Variants in ARHGAP15 observed in about 807,000 individuals in gnomAD.
ARHGAP15 encodes the protein Rho GTPase activating protein 15, also known as rho GTPase-activating protein 15.
In ARHGAP15, 51 loss-of-function variants were observed where a neutral mutation model predicts 63.7. The observed-to-expected ratio is 0.80, with a 90% CI of 0.64 to 1.01. The LOEUF (loss-of-function observed/expected upper bound fraction) is 1.01, where lower values mean the gene tolerates loss of function less well. ARHGAP15 is among the 50% of genes least tolerant of loss of function. The pLI, the probability that ARHGAP15 is intolerant of heterozygous loss-of-function variation, is 0.00. For missense variants in ARHGAP15, 560 were observed against 564.6 expected, an observed-to-expected ratio of 0.99 and a Z score of 0.08; for synonymous variants, 191 against 193.8, an observed-to-expected ratio of 0.99 and a Z score of 0.12.
intron 6 of ARHGAP15, among the ~76,000 whole-genome samples, chr2:143,266,817 T>C (rs959458052): frequency 6.6e-6 from 1 of 152,082 alleles, no homozygotes; most frequent in East Asian, 1.9e-4. Context: ...AACAGGACAA[T>C]ACAAAGGACC....
Position 143,250,609 on chromosome 2 carries a change from G to A in ARHGAP15, c.474+9G>A, listed in dbSNP as rs767792990. Reference sequence around the variant, plus strand: ...GAAAGAATGTCTTTCAGGTAAGAATGTTACATATATTCAATTTATTCCTAT... The same window carrying A: ...GAAAGAATGTCTTTCAGGTAAGAATATTACATATATTCAATTTATTCCTAT... On this transcript the variant is annotated intron_variant, in intron 6 of 13. Coordinates refer to ENST00000295095, the MANE Select transcript of ARHGAP15 (RefSeq NM_018460.4). 2 of 1,604,024 alleles carry A rather than the reference G, an allele frequency of 1.2e-6. No individual in the cohort carries two copies. Among genetic ancestry groups the A allele is most frequent in the South Asian group, 2.2e-5 (2 of 90,770 alleles).
intron 12 of ARHGAP15, among the ~76,000 whole-genome samples, chr2:143,643,158 G>C (rs1373506706): frequency 2.0e-5 from 3 of 152,072 alleles, no homozygotes; most frequent in African/African-American, 7.2e-5. Context: ...AGAAACCCAT[G>C]TTTTAGAGAA....
intron 12 of ARHGAP15, among the ~76,000 whole-genome samples, chr2:143,689,903 C>T (rs886207799): frequency 5.3e-5 from 8 of 152,268 alleles, no homozygotes; most frequent in African/African-American, 1.7e-4. Flanking sequence ...ATGGAAATTG[C>T]TATCTTTAAA....
intron 13 of ARHGAP15, among the ~76,000 whole-genome samples, chr2:143,737,725 A>T (rs1248052743): frequency 7.4e-6 from 1 of 135,800 alleles, no homozygotes; most frequent in African/African-American, 2.9e-5. Context: ...AAACCTATTT[A>T]TTTTATTTAT....
At chr2:143,190,535 C>A (rs1393598837) in intron 2 of ARHGAP15, among the ~76,000 whole-genome samples, 1 of 152,160 alleles carries the variant, frequency 6.6e-6, no homozygotes, top group East Asian at 1.9e-4. Flanking sequence ...CTCACACTCA[C>A]CTCTTCCCTC....
chr2:143,483,466 C>T (rs767720315), intron 8 of ARHGAP15, among the ~76,000 whole-genome samples: 3 of 152,146 alleles, frequency 2.0e-5, no homozygotes, highest in Non-Finnish European at 4.4e-5. Context: ...GACCAGAAAT[C>T]GAAAATATTA....
intron 1 of ARHGAP15, among the ~76,000 whole-genome samples, chr2:143,134,104 AATCTATCTATCTATCTATCTATCT>A (rs70982842): frequency 1.4e-4 from 20 of 141,354 alleles, no homozygotes; most frequent in African/African-American, 2.8e-4. Flanking sequence ...TCTATTTGAA[AATCTATCTATCTATCTATCTATCT>A]ATCTATCTAT....
Position 143,721,729 on chromosome 2 carries a change from T to G in ARHGAP15, c.1244+18205T>G, listed in dbSNP as rs79893488. Reference sequence around the variant, plus strand: ...GGAAACGGAGTCTTGCTCTGTCGCCTAGGCTGGAGTGCAGTGGCGGGATCT... The same window carrying G: ...GGAAACGGAGTCTTGCTCTGTCGCCGAGGCTGGAGTGCAGTGGCGGGATCT... On this transcript the variant is annotated intron_variant, in intron 13 of 13. Coordinates refer to ENST00000295095, the MANE Select transcript of ARHGAP15 (RefSeq NM_018460.4). 3.5e-3 allele frequency among the ~76,000 whole-genome samples: 536 copies of G among 152,104 alleles called. 2 individuals are homozygous for G. The highest frequency in any genetic ancestry group is 0.012 in the African/African-American group (518 of 41,494).
chr2:143,378,674 CATTG>C (rs1574359633), intron 6 of ARHGAP15, among the ~76,000 whole-genome samples: 1 of 152,028 alleles, frequency 6.6e-6, no homozygotes, highest in Admixed American at 6.6e-5. Context: ...AAAGTAGAAA[CATTG>C]ATTGATGTGT....
intron 6 of ARHGAP15, among the ~76,000 whole-genome samples, chr2:143,303,242 A>G (rs1682996386): frequency 6.6e-6 from 1 of 152,152 alleles, no homozygotes; most frequent in African/African-American, 2.4e-5. Flanking sequence ...AGAATGGGAG[A>G]AAAATTTTGC....
In ARHGAP15 at chr2:143,168,009, T is replaced by C. The variant is rs147376348; in HGVS notation, c.165+12354T>C. On this transcript the variant is annotated intron_variant, in intron 2 of 13. Transcript: ENST00000295095. Reference sequence around the variant, plus strand: ...GTCAGAAAATAACAACTGTTGGTCATAAATTTGAAAACTTAGAAGTTGACA... The same window carrying C: ...GTCAGAAAATAACAACTGTTGGTCACAAATTTGAAAACTTAGAAGTTGACA... Among the ~76,000 whole-genome samples the C allele has an allele frequency of 2.7e-3, 411 of 152,224 alleles. 4 individuals are homozygous for C. The highest frequency in any genetic ancestry group is 9.3e-3 in the African/African-American group (385 of 41,556).
intron 6 of ARHGAP15, among the ~76,000 whole-genome samples, chr2:143,318,190 T>A (rs1277317874): frequency 6.6e-6 from 1 of 151,584 alleles, no homozygotes; most frequent in Non-Finnish European, 1.5e-5. Context: ...TTTTTTTTAG[T>A]AGAGACAGGG....
chr2:143,315,048 T>A (rs1683633583), intron 6 of ARHGAP15, among the ~76,000 whole-genome samples: 1 of 152,230 alleles, frequency 6.6e-6, no homozygotes, highest in Non-Finnish European at 1.5e-5. Context: ...CATACATACA[T>A]ATGAATACAT....
chr2:143,644,372 T>TA (rs1431071173), intron 12 of ARHGAP15, among the ~76,000 whole-genome samples: 6 of 151,996 alleles, frequency 3.9e-5, no homozygotes, highest in African/African-American at 1.4e-4. Flanking sequence ...GACAGAAAGT[T>TA]AGAGAGTGAC....
chr2:143,181,827 T>C (rs1219054597), intron 2 of ARHGAP15, among the ~76,000 whole-genome samples: 1 of 152,242 alleles, frequency 6.6e-6, no homozygotes, highest in Non-Finnish European at 1.5e-5. Flanking sequence ...GCACTTTTAA[T>C]TTCCTTCAAT....
At chr2:143,284,281 C>T (rs1385759822) in intron 6 of ARHGAP15, among the ~76,000 whole-genome samples, 1 of 152,156 alleles carries the variant, frequency 6.6e-6, no homozygotes, top group Non-Finnish European at 1.5e-5. Context: ...CTCAGCGCCA[C>T]CTAATGGTCA....
intron 5 of ARHGAP15, among the ~76,000 whole-genome samples, chr2:143,233,010 G>T (rs1180783997): frequency 6.6e-6 from 1 of 152,092 alleles, no homozygotes; most frequent in South Asian, 2.1e-4. Context: ...AAGCTAGTGT[G>T]AGACCCTTTA....
At chr2:143,220,623 A>G (rs1435732212) in intron 4 of ARHGAP15, among the ~76,000 whole-genome samples, 1 of 152,224 alleles carries the variant, frequency 6.6e-6, no homozygotes, top group East Asian at 1.9e-4. Context: ...CAAGGAGTGT[A>G]TATGCTTTTA....
At chr2:143,312,444 T>C (rs1208793301) in intron 6 of ARHGAP15, among the ~76,000 whole-genome samples, 1 of 152,102 alleles carries the variant, frequency 6.6e-6, no homozygotes, top group South Asian at 2.1e-4. Flanking sequence ...CTATATTATA[T>C]GGCAATCTCT....
Sources: gnomAD v4.1 joint callset for allele counts (sites outside exome capture counted in the v4.1 genomes callset) on GRCh38, gnomAD v4.1.1 for gene constraint, MANE v1.5 for transcripts, NCBI Gene and HGNC (gene_info 2026-07-23, HGNC 2026-07-21) for gene names.